Variants in SEM1 observed in about 807,000 individuals in gnomAD.
SEM1 encodes the protein 26S proteasome complex subunit SEM1.
In SEM1, 3 loss-of-function variants were observed where a neutral mutation model predicts 12.7. The ratio of observed to expected loss-of-function variants is 0.24; its 90% CI spans 0.11 to 0.61. SEM1 has a LOEUF of 0.61. Among genes scored for constraint, SEM1 ranks in the 20% least tolerant of loss-of-function variants. The probability of loss-of-function intolerance (pLI) is 0.88; values close to 1 mark genes in which losing one functional copy is unlikely to be tolerated. For synonymous variants in SEM1, 30 were observed against 27.8 expected (o/e 1.08, Z -0.25); for missense variants, 59 against 81.3 (o/e 0.73, Z 1.06).
chr7:96,673,912 C>A (rs1046932279), intron 2 of SEM1: 3 of 750,946 alleles, frequency 4.0e-6, no homozygotes, highest in Non-Finnish European at 7.3e-6. Flanking sequence ...CCACTGTGAT[C>A]TGTGGGCTGC....
At chr7:96,559,617 C>A (rs758767463) in intron 2 of SEM1, among the ~76,000 whole-genome samples, 8 of 152,234 alleles carry the variant, frequency 5.3e-5, no homozygotes, top group Admixed American at 2.6e-4. Flanking sequence ...CTCTAAATGG[C>A]GTATTGTGGA....
chr7:96,495,747 G>A (rs1803217043), intron 1 of SEM1, among the ~76,000 whole-genome samples: 1 of 152,088 alleles, frequency 6.6e-6, no homozygotes, highest in South Asian at 2.1e-4. Flanking sequence ...CTTTCACTTT[G>A]AATAAAGAAA....
At chr7:96,601,342 A>G (rs192481970) in intron 2 of SEM1, among the ~76,000 whole-genome samples, 2 of 152,174 alleles carry the variant, frequency 1.3e-5, no homozygotes, top group Admixed American at 6.5e-5. Flanking sequence ...TAAGAAAAAA[A>G]GTCAATTGGG....
chr7:96,547,000 T>C (rs929644027), intron 2 of SEM1, among the ~76,000 whole-genome samples: 1 of 152,154 alleles, frequency 6.6e-6, no homozygotes, highest in East Asian at 1.9e-4. Flanking sequence ...ACCTGCAAAT[T>C]CTCTAATGCA....
intron 2 of SEM1, among the ~76,000 whole-genome samples, chr7:96,663,176 C>T (rs1789066384): frequency 6.6e-6 from 1 of 150,786 alleles, no homozygotes; most frequent in Non-Finnish European, 1.5e-5. Flanking sequence ...AAATACATGA[C>T]ATGAGATTAG....
chr7:96,578,819 A>G (rs953436), intron 2 of SEM1, among the ~76,000 whole-genome samples: 8,792 of 152,294 alleles, frequency 0.058, 822 homozygotes, highest in African/African-American at 0.2. Context: ...CTTTGCTAGT[A>G]TAGTTAGTGA....
chr7:96,538,893 A>T (rs1399571015), intron 2 of SEM1, among the ~76,000 whole-genome samples: 2 of 151,786 alleles, frequency 1.3e-5, no homozygotes, highest in African/African-American at 2.4e-5. Context: ...TTGCACAATG[A>T]TTACTCCTCT....
exon 4 of SEM1, chr7:96,483,195 CA>C (rs1802613127): frequency 6.6e-6 from 1 of 152,092 alleles, no homozygotes; most frequent in African/African-American, 2.4e-5. Flanking sequence ...TTAATTATTT[CA>C]TTTGATCAAT....
intron 1 of SEM1, among the ~76,000 whole-genome samples, chr7:96,709,094 C>T (rs1563123651): frequency 6.6e-6 from 1 of 152,092 alleles, no homozygotes; most frequent in African/African-American, 2.4e-5. Context: ...CGATTACAGG[C>T]GTGAGCCACC....
At chr7:96,643,088 ACT>A (rs1563094814) in intron 2 of SEM1, among the ~76,000 whole-genome samples, 1 of 151,212 alleles carries the variant, frequency 6.6e-6, no homozygotes, top group Non-Finnish European at 1.5e-5. Flanking sequence ...TTTTCCTGAT[ACT>A]CTCTCTCCTC....
chr7:96,589,413 TG>T (rs1806757747), intron 2 of SEM1, among the ~76,000 whole-genome samples: 1 of 152,128 alleles, frequency 6.6e-6, no homozygotes, highest in African/African-American at 2.4e-5. Context: ...TGATCTCAAG[TG>T]TAAGACCACA....
intron 2 of SEM1, among the ~76,000 whole-genome samples, chr7:96,534,485 A>G (rs1398172923): frequency 6.6e-6 from 1 of 152,068 alleles, no homozygotes; most frequent in Non-Finnish European, 1.5e-5. Flanking sequence ...GTCCATTCGA[A>G]GTGCAAAACA....
intron 2 of SEM1, among the ~76,000 whole-genome samples, chr7:96,624,525 C>T (rs1267550323): frequency 6.6e-6 from 1 of 151,980 alleles, no homozygotes; most frequent in East Asian, 1.9e-4. Context: ...TTTTCCTCTA[C>T]AAAATGGGGA....
intron 2 of SEM1, among the ~76,000 whole-genome samples, chr7:96,521,394 C>G (rs1804266224): frequency 6.6e-6 from 1 of 152,130 alleles, no homozygotes. Context: ...CAAGCCACAC[C>G]ACAAATACCC....
chr7:96,631,062 G>T (rs904877367), intron 2 of SEM1, among the ~76,000 whole-genome samples: 1 of 151,774 alleles, frequency 6.6e-6, no homozygotes, highest in Non-Finnish European at 1.5e-5. Context: ...GGAGGGAAAG[G>T]GTCTCTTTTG....
intron 1 of SEM1, chr7:96,486,501 G>T: frequency 9.2e-7 from 1 of 1,087,204 alleles, no homozygotes; most frequent in Non-Finnish European, 1.3e-6. Flanking sequence ...ACCTGGCCCT[G>T]TGTCTTCTCA....
intron 2 of SEM1, among the ~76,000 whole-genome samples, chr7:96,597,871 C>T (rs1286327043): frequency 6.6e-6 from 1 of 151,974 alleles, no homozygotes; most frequent in Admixed American, 6.6e-5. Context: ...TCTTATATTT[C>T]TTTTTGTACA....
At chr7:96,622,535 G>A (rs371683875), downstream of SEM1, 85 of 745,892 alleles carry the variant, frequency 1.1e-4, no homozygotes, top group African/African-American at 1.1e-3. Flanking sequence ...TATGGCAAGG[G>A]GCTTGGTACC....
At chr7:96,708,587 T>G (rs1182333798) in intron 1 of SEM1, among the ~76,000 whole-genome samples, 1 of 152,166 alleles carries the variant, frequency 6.6e-6, no homozygotes, top group Non-Finnish European at 1.5e-5. Context: ...ATCCTACTCA[T>G]CAACCATCAG....
Sources: allele counts gnomAD v4.1 joint callset (sites outside exome capture counted in the v4.1 genomes callset), GRCh38; gene constraint gnomAD v4.1.1; transcripts MANE v1.5; gene names NCBI Gene and HGNC (gene_info 2026-07-23, HGNC 2026-07-21).